The following DDX54 variants were observed in gnomAD, a reference collection of about 807,000 sequenced individuals.
DDX54 encodes ATP-dependent RNA helicase DDX54.
Under a neutral mutation model 105.5 loss-of-function variants are expected in DDX54, and 67 were observed. The observed-to-expected ratio is 0.64, with a 90% confidence interval of 0.52 to 0.78. The LOEUF is 0.78. Ranked by LOEUF, DDX54 falls within the 30% of genes least tolerant of loss-of-function variation. DDX54 has a pLI of 0.00. For missense variants in DDX54, 1,206 were observed against 1,230.5 expected, an observed-to-expected ratio of 0.98 and a Z score of 0.30; for synonymous variants, 514 against 509.9, an observed-to-expected ratio of 1.01 and a Z score of -0.11.
At chr12:113,177,016 G>A in intron 6 of DDX54, 36 bp downstream of exon 6, 13 of 1,613,842 alleles carry the variant, frequency 8.1e-6, no homozygotes, top group Non-Finnish European at 1.1e-5. Context: ...CACTAGGAAG[G>A]GATCTCAGGG....
At position 113,180,002 on chromosome 12, in the gene DDX54, A is replaced by T; in HGVS notation, c.308T>A (p.Leu103Gln). The T allele has an allele frequency of 6.2e-7, 1 of 1,614,136 alleles. No individual in the cohort carries two copies. The highest frequency in any genetic ancestry group is 8.5e-7 in the Non-Finnish European group (1 of 1,180,008). Residue 103 changes from leucine (L) to glutamine (Q), a missense_variant, in exon 3 of 20, where the codon CTG (leucine) becomes CAG (glutamine). By Grantham distance (113) the Leu-to-Gln change is moderately radical. Around this residue, in one of 3 missense-constraint regions of DDX54, gnomAD observed 212 missense variants for 155.4 expected, o/e 1.36. Transcript: ENST00000306014. Reference protein sequence around the residue: ...KKSGGFQSMGLSYPVFKGIMK... With the variant: ...KKSGGFQSMGQSYPVFKGIMK... ...GATGCCTTTGAACACCGGGTAGCTC[A>T]GGCCTGGGAGAGACATGAAACGGTC...
Position 113,163,312 on chromosome 12 carries a change from C to T in DDX54, c.1939-38G>A, listed in dbSNP as rs1169859418. The T allele has an allele frequency of 2.5e-6, 4 of 1,589,562 alleles. No homozygotes were observed. Among genetic ancestry groups the T allele is most frequent in the Non-Finnish European group, 3.4e-6 (4 of 1,169,924 alleles). Reference sequence around the variant, plus strand: ...AGACCAAGGCCCAGTGTCATGCCTGCTGCCCCCTGGGGACTTCCCCCTGCC... The same window carrying T: ...AGACCAAGGCCCAGTGTCATGCCTGTTGCCCCCTGGGGACTTCCCCCTGCC... On this transcript the variant is annotated intron_variant, in intron 15 of 19. Coordinates refer to ENST00000306014, the MANE Select transcript of DDX54 (RefSeq NM_024072.4). The surrounding 1 kb of genome is among the most constrained non-coding windows in gnomAD (Gnocchi z 5.9).
At chr12:113,169,978 C>A in intron 11 of DDX54, 74 bp from the exon 12 acceptor site, 2 of 1,574,668 alleles carry the variant, frequency 1.3e-6, no homozygotes, top group Non-Finnish European at 1.7e-6. Context: ...ACAGGCCAGA[C>A]CCTGAGCAGG....
chr12:113,158,714 C>T lies in DDX54; in HGVS notation c.*163G>A. ...TCTCTGTCTTAGGCTGACGCAGCTG[C>T]TGCCCTTCTGTGGCCATACAGTGCT... is the stretch of plus-strand genomic sequence containing the variant. On this transcript the variant is annotated 3_prime_UTR_variant, in exon 20 of 20. Transcript: ENST00000306014. The surrounding 1 kb of genome is among the most constrained non-coding windows in gnomAD (Gnocchi z 4.9). The T allele has an allele frequency of 1.3e-6, 1 of 758,620 alleles. No homozygotes were observed. 47.0% of individuals were successfully genotyped at this position (758,620 alleles called of 1,614,324 possible).
chr12:113,184,296 G>A (rs1485322367), intron 1 of DDX54, among the ~76,000 whole-genome samples: 1 of 151,902 alleles, frequency 6.6e-6, no homozygotes, highest in African/African-American at 2.4e-5. Context: ...TGCCCAGGCT[G>A]ATCTTGAACT....
In DDX54 at chr12:113,163,343, A is replaced by C. The variant is rs1592998488; in HGVS notation, c.1939-69T>G. 3.3e-6 allele frequency: 5 copies of C among 1,536,112 alleles called. No individual in the cohort carries two copies. The highest frequency in any genetic ancestry group is 1.2e-5 in the South Asian group (1 of 82,288). On this transcript the variant is annotated intron_variant, in intron 15 of 19. Coordinates refer to ENST00000306014, the MANE Select transcript of DDX54 (RefSeq NM_024072.4). This position sits in a 1 kb window ranked among gnomAD's most constrained non-coding sequence, Gnocchi z 5.9. ...CCTGGGGACTTCCCCCTGCCTCCCT[A>C]CCCACCAGCCTGGCCACAGTGAGGG...
chr12:113,170,299 G>A (rs1952321576), intron 11 of DDX54, among the ~76,000 whole-genome samples: 1 of 152,192 alleles, frequency 6.6e-6, no homozygotes, highest in Admixed American at 6.5e-5. Context: ...TGAATTAGCT[G>A]ATGGCCACAC....
At chr12:113,183,354 T>A (rs1007447474) in intron 1 of DDX54, among the ~76,000 whole-genome samples, 3 of 152,254 alleles carry the variant, frequency 2.0e-5, no homozygotes, top group African/African-American at 7.2e-5. Context: ...TAACCACCTC[T>A]GCCCGCCTGT....
intron 5 of DDX54, among the ~76,000 whole-genome samples, chr12:113,177,572 G>T (rs557370482): frequency 1.3e-5 from 2 of 152,288 alleles, no homozygotes; most frequent in East Asian, 3.9e-4. Flanking sequence ...CTAGCCCAGG[G>T]AGGCCTTTCT....
intron 18 of DDX54, 132 bp downstream of exon 18, chr12:113,161,761 C>A: frequency 2.9e-6 from 2 of 701,002 alleles, no homozygotes; most frequent in South Asian, 3.6e-5. Context: ...ATTGGAGATG[C>A]GGCTGCTTAA....
intron 19 of DDX54, 130 bp from the exon 20 acceptor site, chr12:113,159,239 T>C (rs1361728621): frequency 1.8e-5 from 19 of 1,032,752 alleles, no homozygotes; most frequent in South Asian, 5.2e-5. Flanking sequence ...CCAGTGTCTG[T>C]ACACAGTAGG....
chr12:113,174,900 T>G lies in DDX54; in HGVS notation c.911A>C (p.Asp304Ala). 1 of 1,613,936 alleles carries G rather than the reference T, an allele frequency of 6.2e-7. No individual in the cohort carries two copies. The highest frequency in any genetic ancestry group is 1.3e-5 in the African/African-American group (1 of 75,064). Residue 304 changes from aspartate to alanine, a missense_variant, in exon 9 of 20, where the codon GAT becomes GCT. Transcript: ENST00000306014. ...CTTCAGCTGCTCGTTGAGCTTGGTA[T>G]CCACGTCAAGCCGGATGAGCACGGG... ...TEPVLIRLDV[D>A]TKLNEQLKTS...
chr12:113,157,527 C>A lies in DDX54; in HGVS notation c.*1350G>T. ...CAGTCCCCGCCCTACCTTTCGGCCT[C>A]CCCCGCGTGTTGAGGGGTGGGGGCT... On this transcript the variant is annotated 3_prime_UTR_variant, in exon 20 of 20. Transcript: ENST00000306014. The A allele has an allele frequency of 6.3e-6, 8 of 1,267,476 alleles. No homozygotes were observed. Among genetic ancestry groups the A allele is most frequent in the Non-Finnish European group, 9.0e-6 (8 of 891,622 alleles). The allele number at this position is 1,267,476 out of a possible 1,614,324, so 78.5% of individuals were successfully genotyped here. A position where few individuals can be genotyped will look rare whatever the true frequency, so the allele number is the denominator to read the frequency against.
chr12:113,163,275 C>T lies in DDX54; in HGVS notation c.1939-1G>A, dbSNP rs748941286. ...GGCCCACGACCTCTGAGAAAATGTC[C>T]TGGCAGAGCACAGACCAAGGCCCAG... On this transcript the variant is annotated splice_acceptor_variant, in intron 15 of 19. Transcript: ENST00000306014. LOFTEE classifies it high-confidence loss of function. The surrounding 1 kb of genome is among the most constrained non-coding windows in gnomAD (Gnocchi z 5.9). The T allele has an allele frequency of 1.5e-5, 24 of 1,608,046 alleles. No homozygotes were observed. Among genetic ancestry groups the T allele is most frequent in the Non-Finnish European group, 2.0e-5 (24 of 1,179,812 alleles).
intron 10 of DDX54, among the ~76,000 whole-genome samples, chr12:113,173,709 A>T (rs532026285): frequency 5.9e-5 from 9 of 152,172 alleles, no homozygotes; most frequent in African/African-American, 9.7e-5. Flanking sequence ...ACATACTAAA[A>T]ATCTACAGGA....
rs1479860057 is a variant in DDX54, at chr12:113,157,439, T to C, written c.*1438A>G. The C allele has an allele frequency of 3.2e-6, 2 of 634,622 alleles. No individual in the cohort carries two copies. The highest frequency in any genetic ancestry group is 1.8e-5 in the African/African-American group (1 of 55,060). 39.3% of individuals were successfully genotyped at this position (634,622 alleles called of 1,614,324 possible). On this transcript the variant is annotated 3_prime_UTR_variant, in exon 20 of 20. Transcript: ENST00000306014. ...GAGGCTTTCAAAACCCAGAACGGTT[T>C]AGGATCTCAGTCACCACCTCTGGGA...
chr12:113,157,943 C>G lies in DDX54; in HGVS notation c.*934G>C. On this transcript the variant is annotated 3_prime_UTR_variant, in exon 20 of 20. Transcript: ENST00000306014. ...GGGGCAACTGCCTCTAAAATGAGAT[C>G]AGACCAGGCCCTCCCTGCCAGGGTG... 1 of 522,116 alleles carries G rather than the reference C, an allele frequency of 1.9e-6. No homozygotes were observed. Among genetic ancestry groups the G allele is most frequent in the Non-Finnish European group, 3.4e-6 (1 of 290,314 alleles). The allele number at this position is 522,116 out of a possible 1,614,324, so 32.3% of individuals were successfully genotyped here.
chr12:113,180,971 G>C lies in DDX54; in HGVS notation c.262C>G (p.Gln88Glu). 1 of 1,613,532 alleles carries C rather than the reference G, an allele frequency of 6.2e-7. No individual in the cohort carries two copies. Among genetic ancestry groups the C allele is most frequent in the South Asian group, 1.1e-5 (1 of 90,962 alleles). The change falls in exon 2 of 20, where the codon CAG becomes GAG. Residue 88 changes from glutamine to glutamate, a missense_variant. By Grantham distance (29) the Gln-to-Glu change is conservative. Coordinates refer to ENST00000306014, the MANE Select transcript of DDX54 (RefSeq NM_024072.4). ...EPDTREMVRA[Q>E]NKKKKKSGGF... ...CCAGACTTCTTCTTCTTCTTGTTCT[G>C]GGCACGCACCATCTCCCGGGTGTCC...
chr12:113,158,509 T>G lies in DDX54; in HGVS notation c.*368A>C. On this transcript the variant is annotated 3_prime_UTR_variant, in exon 20 of 20. Transcript: ENST00000306014. This position sits in a 1 kb window ranked among gnomAD's most constrained non-coding sequence, Gnocchi z 4.9. Reference sequence around the variant, plus strand: ...GGCCACCAGCAGTGCTCAATAAAGATTTATTACATTAAAAATTCCATTGCC... The same window carrying G: ...GGCCACCAGCAGTGCTCAATAAAGAGTTATTACATTAAAAATTCCATTGCC... 3 of 190,970 alleles carry G rather than the reference T, an allele frequency of 1.6e-5. No individual in the cohort carries two copies. The highest frequency in any genetic ancestry group is 2.3e-5 in the African/African-American group (1 of 42,886). The allele number at this position is 190,970 out of a possible 1,614,324, so 11.8% of individuals were successfully genotyped here.
Sources: allele counts gnomAD v4.1 joint callset (sites outside exome capture counted in the v4.1 genomes callset), GRCh38; gene constraint gnomAD v4.1.1; regional missense constraint gnomAD v4.1.1; non-coding constraint Gnocchi (gnomAD v3.1); transcripts MANE v1.5; gene names NCBI Gene and HGNC (gene_info 2026-07-23, HGNC 2026-07-21).